PTPRN2: variants seen among roughly 807,000 people sequenced by gnomAD.
PTPRN2 encodes receptor-type tyrosine-protein phosphatase N2.
A neutral mutation model predicts 118.8 loss-of-function variants in PTPRN2; 74 were observed. The ratio of observed to expected loss-of-function variants is 0.62; its 90% CI spans 0.52 to 0.76. PTPRN2 has a LOEUF of 0.76. Among genes scored for constraint, PTPRN2 ranks in the 30% least tolerant of loss-of-function variants. The pLI is 0.00. For missense variants in PTPRN2, 1,481 were observed against 1,394.4 expected, an observed-to-expected ratio of 1.06 and a Z score of -0.99; for synonymous variants, 641 against 608.0, an observed-to-expected ratio of 1.05 and a Z score of -0.80.
At chr7:157,970,420 G>A (rs1802238119) in intron 11 of PTPRN2, among the ~76,000 whole-genome samples, 1 of 152,180 alleles carries the variant, frequency 6.6e-6, no homozygotes, top group Non-Finnish European at 1.5e-5. Context: ...CAATCCCAGG[G>A]GAAGAAAGAA....
At chr7:157,665,069 C>T (rs1220598246) in intron 13 of PTPRN2, among the ~76,000 whole-genome samples, 2 of 152,224 alleles carry the variant, frequency 1.3e-5, no homozygotes, top group Non-Finnish European at 1.5e-5. Context: ...CCCTCCACAG[C>T]GCCTGCTTGC....
chr7:158,144,736 G>A (rs748519545), intron 6 of PTPRN2, among the ~76,000 whole-genome samples: 4 of 152,232 alleles, frequency 2.6e-5, no homozygotes, highest in South Asian at 2.1e-4. Context: ...CCACCACCCC[G>A]AGGGAAGAGG....
intron 3 of PTPRN2, among the ~76,000 whole-genome samples, chr7:158,230,830 T>A (rs1047819757): frequency 1.3e-5 from 2 of 152,152 alleles, no homozygotes; most frequent in African/African-American, 4.8e-5. Context: ...TCATCAATAA[T>A]AACATTGAAT....
chr7:157,575,405 C>T (rs763259023), intron 19 of PTPRN2, among the ~76,000 whole-genome samples: 18 of 152,214 alleles, frequency 1.2e-4, no homozygotes, highest in Admixed American at 9.8e-4. Flanking sequence ...TCTGGATCTA[C>T]GCTCTGCGTC....
At chr7:158,284,381 G>A (rs1287646196) in intron 3 of PTPRN2, among the ~76,000 whole-genome samples, 1 of 152,200 alleles carries the variant, frequency 6.6e-6, no homozygotes, top group Admixed American at 6.5e-5. Context: ...CTCCGAGTCA[G>A]TGTACATGAA....
In PTPRN2 at chr7:157,619,132, C is replaced by G. The variant is rs558868699; in HGVS notation, c.2344+2230G>C. Among the ~76,000 whole-genome samples the G allele has an allele frequency of 6.6e-6, 1 of 152,110 alleles. No individual in the cohort carries two copies. The highest frequency in any genetic ancestry group is 2.4e-5 in the African/African-American group (1 of 41,410). On this transcript the variant is annotated intron_variant, in intron 15 of 22. Transcript: ENST00000389418. This position sits in a 1 kb window ranked among gnomAD's most constrained non-coding sequence, Gnocchi z 5.3. Reference sequence around the variant, plus strand: ...ACTAGGTCCCTCGCCCCCAACCCCCCCATCCACACTGTACAGACAGAGCCC... The same window carrying G: ...ACTAGGTCCCTCGCCCCCAACCCCCGCATCCACACTGTACAGACAGAGCCC...
At chr7:157,675,615 G>A (rs896767606) in intron 13 of PTPRN2, among the ~76,000 whole-genome samples, 4 of 152,220 alleles carry the variant, frequency 2.6e-5, no homozygotes, top group South Asian at 2.1e-4. Flanking sequence ...AGCTCATGCC[G>A]AGGAGGAAGT....
chr7:158,387,516 A>G (rs1811509495), intron 2 of PTPRN2, among the ~76,000 whole-genome samples: 1 of 152,296 alleles, frequency 6.6e-6, no homozygotes, highest in Non-Finnish European at 1.5e-5. Flanking sequence ...CGATGTTGGA[A>G]AGCACTCTCT....
intron 12 of PTPRN2, among the ~76,000 whole-genome samples, chr7:157,838,182 T>C (rs890218832): frequency 1.5e-5 from 2 of 137,040 alleles, no homozygotes; most frequent in African/African-American, 5.5e-5. Flanking sequence ...GTTCCTCTCA[T>C]AGTGGATGGT....
At position 157,677,075 on chromosome 7, in the gene PTPRN2, G is replaced by C. The variant is rs1796704391; in HGVS notation, c.2001+5650C>G. Among the ~76,000 whole-genome samples the C allele has an allele frequency of 2.0e-5, 3 of 152,120 alleles. 1 individual carries two copies. In the South Asian group the frequency reaches 6.2e-4, roughly 32 times the overall value. On this transcript the variant is annotated intron_variant, in intron 13 of 22. Coordinates refer to ENST00000389418, the MANE Select transcript of PTPRN2 (RefSeq NM_002847.5). ...CTGGAGTGCAGGGTGAGCACGTCTG[G>C]AAGAAGCCTGCAGCCCCCACCTCCT...
chr7:157,675,211 T>G (rs60504259), intron 13 of PTPRN2, among the ~76,000 whole-genome samples: 1 of 152,158 alleles, frequency 6.6e-6, no homozygotes, highest in Non-Finnish European at 1.5e-5. Flanking sequence ...AGAGCCTGCC[T>G]CCCGCCATGG....
chr7:157,932,143 G>T (rs1171529128), intron 11 of PTPRN2, among the ~76,000 whole-genome samples: 1 of 152,134 alleles, frequency 6.6e-6, no homozygotes, highest in Non-Finnish European at 1.5e-5. Flanking sequence ...TTATGGACAT[G>T]ATTTTCCCTT....
chr7:158,142,679 A>G (rs1563500147), intron 6 of PTPRN2, among the ~76,000 whole-genome samples: 1 of 152,154 alleles, frequency 6.6e-6, no homozygotes, highest in Non-Finnish European at 1.5e-5. Flanking sequence ...TCACTGATGG[A>G]ATGCTACCTT....
rs1811228819 is a variant in PTPRN2 at position 158,070,611 on chromosome 7, TGG to T, written c.1723+10685_1723+10686del. The stretch of plus-strand genomic sequence containing the variant: ...GAGGTGCCTGTGGTGGAGGTGCTCC[TGG>T]TGGTGGAGGTGCCCCTGGTGGTGGA... On this transcript the variant is annotated intron_variant, in intron 11 of 22. Transcript: ENST00000389418. Among the ~76,000 whole-genome samples the T allele has an allele frequency of 2.4e-4, 28 of 116,368 alleles. 3 individuals are homozygous for T. The highest frequency in any genetic ancestry group is 1.0e-3 in the African/African-American group (26 of 25,830). The allele number at this position is 116,368 out of a possible 152,430, so 76.3% of individuals were successfully genotyped here.
At chr7:157,891,656 G>A (rs1008683887) in intron 12 of PTPRN2, among the ~76,000 whole-genome samples, 1 of 151,830 alleles carries the variant, frequency 6.6e-6, no homozygotes, top group African/African-American at 2.4e-5. Context: ...AGGGACTTTT[G>A]GGATCCACAT....
intron 3 of PTPRN2, among the ~76,000 whole-genome samples, chr7:158,263,325 G>T (rs1394152791): frequency 6.6e-6 from 1 of 151,930 alleles, no homozygotes; most frequent in Non-Finnish European, 1.5e-5. Context: ...ACACACAGCT[G>T]TACCTACTGC....
chr7:158,057,311 C>T (rs1809865348), intron 11 of PTPRN2, among the ~76,000 whole-genome samples: 1 of 152,224 alleles, frequency 6.6e-6, no homozygotes, highest in Non-Finnish European at 1.5e-5. Context: ...AATCTCCTGA[C>T]AGCCTCCCAT....
At chr7:158,162,269 T>C (rs4909290) in intron 6 of PTPRN2, among the ~76,000 whole-genome samples, 127,436 of 152,154 alleles carry the variant, frequency 0.84, 53,498 homozygotes, top group East Asian at 0.9. Context: ...AAGACTTATA[T>C]CCACACAAAA....
At chr7:158,065,765 T>C (rs1810725262) in intron 11 of PTPRN2, among the ~76,000 whole-genome samples, 1 of 152,258 alleles carries the variant, frequency 6.6e-6, no homozygotes, top group African/African-American at 2.4e-5. Flanking sequence ...ATTCTGGATT[T>C]AATTACAGAT....
Sources: gnomAD v4.1 joint callset for allele counts (sites outside exome capture counted in the v4.1 genomes callset) on GRCh38, gnomAD v4.1.1 for gene constraint, Gnocchi (gnomAD v3.1) non-coding constraint, MANE v1.5 for transcripts, NCBI Gene and HGNC (gene_info 2026-07-23, HGNC 2026-07-21) for gene names.